UMODL1: variants seen among roughly 807,000 people sequenced by gnomAD.
UMODL1 encodes uromodulin like 1.
Under a neutral mutation model 136.3 loss-of-function variants are expected in UMODL1, and 128 were observed. The ratio of observed to expected loss-of-function variants is 0.94; its 90% CI spans 0.81 to 1.09. UMODL1 has a LOEUF of 1.09. Ranked by LOEUF, UMODL1 falls within the 50% of genes least tolerant of loss-of-function variation. The pLI is 0.00. For missense variants in UMODL1, 1,766 were observed against 1,725.6 expected (o/e 1.02, Z -0.41); for synonymous variants, 721 against 720.0 (o/e 1.00, Z -0.02).
chr21:42,108,923 A>AGG (rs1213312060), intron 9 of UMODL1, among the ~76,000 whole-genome samples: 473 of 14,752 alleles, frequency 0.032, 1 homozygote, highest in Middle Eastern at 0.062. Context: ...CACCCCCCCC[A>AGG]CGAGAGAAGT....
intron 21 of UMODL1, among the ~76,000 whole-genome samples, chr21:42,135,381 T>C (rs11911271): frequency 0.17 from 25,577 of 152,196 alleles, 4,110 homozygotes; most frequent in African/African-American, 0.42. Flanking sequence ...GGACCCCCTG[T>C]GGCCAGCCCT....
chr21:42,089,936 C>T (rs559401015), intron 5 of UMODL1, among the ~76,000 whole-genome samples: 7 of 152,294 alleles, frequency 4.6e-5, no homozygotes, highest in East Asian at 3.9e-4. Flanking sequence ...TCCTTGTTGG[C>T]GCAGAAAACA....
rs1373755820 is a variant in UMODL1, at chr21:42,123,052, T to C, written c.3049T>C (p.Leu1017=). The stretch of plus-strand genomic sequence containing the variant: ...GCAGGAATCCATCCCCGAGTCCTCG[T>C]TGTACCTCAGCCACCCCTCCTGCAA... ...LQQESIPESS[L]YLSHPSCNVS... The change falls in exon 17 of 23, where the codon TTG becomes CTG. Residue 1017 remains leucine (L), a synonymous_variant. Coordinates refer to ENST00000408910, the MANE Select transcript of UMODL1 (RefSeq NM_001004416.3). The surrounding 1 kb of genome is among the most constrained non-coding windows in gnomAD (Gnocchi z 4.4). 5 of 1,613,968 alleles carry C rather than the reference T, an allele frequency of 3.1e-6. No homozygotes were observed. Among genetic ancestry groups the C allele is most frequent in the Non-Finnish European group, 4.2e-6 (5 of 1,180,016 alleles).
chr21:42,118,051 G>C (rs2066922518), intron 14 of UMODL1, among the ~76,000 whole-genome samples: 2 of 152,218 alleles, frequency 1.3e-5, no homozygotes, highest in Non-Finnish European at 1.5e-5. Flanking sequence ...CGCAGACGTG[G>C]ATGTCAGGAG....
Position 42,085,128 on chromosome 21 carries a change from A to G in UMODL1, c.482-163A>G, listed in dbSNP as rs899433481. Among the ~76,000 whole-genome samples the G allele has an allele frequency of 6.6e-6, 1 of 152,094 alleles. No individual in the cohort carries two copies. The highest frequency in any genetic ancestry group is 2.4e-5 in the African/African-American group (1 of 41,404). ...GGAGCGAGGGGCGGGCAGTGAGGAC[A>G]TCCCCCGTCTCCTGTGGTAGATGTC... On this transcript the variant is annotated intron_variant, in intron 3 of 22. Transcript: ENST00000408910. The surrounding 1 kb of genome is among the most constrained non-coding windows in gnomAD (Gnocchi z 4.5).
At chr21:42,111,310 G>C in intron 11 of UMODL1, 189 bp downstream of exon 11, 3 of 1,413,356 alleles carry the variant, frequency 2.1e-6, no homozygotes, top group Non-Finnish European at 2.8e-6. Context: ...CCAGCCACGC[G>C]AACTCCAGCC....
chr21:42,106,884 C>T (rs545595120), intron 9 of UMODL1, among the ~76,000 whole-genome samples: 13 of 152,178 alleles, frequency 8.5e-5, no homozygotes, highest in Non-Finnish European at 1.5e-4. Flanking sequence ...CCTCCTATGG[C>T]GATGGAGTAA....
intron 12 of UMODL1, among the ~76,000 whole-genome samples, chr21:42,112,532 CA>C (rs2066848329): frequency 6.6e-6 from 1 of 151,918 alleles, no homozygotes; most frequent in African/African-American, 2.4e-5. Context: ...TGTATCTCCC[CA>C]GCTGTTCTGC....
intron 11 of UMODL1, 181 bp from the exon 12 acceptor site, chr21:42,111,325 G>C (rs760642493): frequency 1.4e-6 from 2 of 1,466,438 alleles, no homozygotes; most frequent in African/African-American, 2.8e-5. Flanking sequence ...CCAGCCAGGG[G>C]AGCCCCAGCC....
At chr21:42,117,674 A>C (rs949880279) in intron 14 of UMODL1, among the ~76,000 whole-genome samples, 1 of 152,152 alleles carries the variant, frequency 6.6e-6, no homozygotes, top group Non-Finnish European at 1.5e-5. Context: ...CGCTTCCCCC[A>C]CAGATGAGAA....
chr21:42,119,091 C>T lies in UMODL1; in HGVS notation c.2476-20C>T, dbSNP rs748801362. ...TCCTCTCAGCGTGGGGACCTCCTCA[C>T]ATGGCCTCTTTCCCCGCAGGTGCGG... is the stretch of plus-strand genomic sequence containing the variant. On this transcript the variant is annotated intron_variant, in intron 14 of 22. Transcript: ENST00000408910. 6.2e-7 allele frequency: 1 copy of T among 1,609,644 alleles called. No individual in the cohort carries two copies. The highest frequency in any genetic ancestry group is 8.5e-7 in the Non-Finnish European group (1 of 1,178,226).
chr21:42,139,009 A>T (rs1183655971), intron 22 of UMODL1, among the ~76,000 whole-genome samples: 4 of 152,192 alleles, frequency 2.6e-5, no homozygotes, highest in Non-Finnish European at 5.9e-5. Context: ...CTCTACAAAA[A>T]ATACAAAAAT....
intron 2 of UMODL1, among the ~76,000 whole-genome samples, chr21:42,081,616 GT>G (rs2066363154): frequency 6.6e-6 from 1 of 152,104 alleles, no homozygotes. Context: ...TGGGGGGATT[GT>G]TTCTATTTAA....
Position 42,111,082 on chromosome 21 carries a change from G to T in UMODL1, c.1860G>T (p.Gly620=), listed in dbSNP as rs2066816775. 5 of 1,613,034 alleles carry T rather than the reference G, an allele frequency of 3.1e-6. No individual in the cohort carries two copies. The Admixed American group carries it at 5.0e-5, about 16-fold the overall frequency. The part of the protein sequence containing the change: ...SPRRGGSNVV[G]YDRNNTGKGV... ...GAAGAGGGGGCAGCAATGTGGTCGGGTATGACAGGAACAACACAGGAAAAG... is the reference window on the plus strand; with the variant it reads ...GAAGAGGGGGCAGCAATGTGGTCGGTTATGACAGGAACAACACAGGAAAAG... The change falls in exon 11 of 23, where the codon GGG becomes GGT. Residue 620 remains glycine, a synonymous_variant. Coordinates refer to ENST00000408910, the MANE Select transcript of UMODL1 (RefSeq NM_001004416.3).
At chr21:42,103,216 G>T (rs888229155) in intron 8 of UMODL1, 38 of 196,736 alleles carry the variant, frequency 1.9e-4, no homozygotes, top group African/African-American at 8.8e-4. Context: ...GCGTCTACTT[G>T]CAAGATGTGT....
intron 21 of UMODL1, among the ~76,000 whole-genome samples, chr21:42,132,617 C>T (rs1263291283): frequency 6.6e-6 from 1 of 151,660 alleles, no homozygotes; most frequent in Non-Finnish European, 1.5e-5. Flanking sequence ...TCCATCTATC[C>T]ATCCACCCAT....
rs1254310842 is a variant in UMODL1, at chr21:42,119,148, T to C, written c.2513T>C (p.Met838Thr). 2 of 1,613,788 alleles carry C rather than the reference T, an allele frequency of 1.2e-6. No homozygotes were observed. Among genetic ancestry groups the C allele is most frequent in the South Asian group, 2.2e-5 (2 of 91,058 alleles). ...GSLPATMCQH[M>T]DAGGVRMEVV... The stretch of plus-strand genomic sequence containing the variant: ...CTGCCAGCCACCATGTGTCAGCACA[T>C]GGACGCTGGTGGGGTCAGGATGGAA... The change falls in exon 15 of 23, where the codon ATG becomes ACG. Residue 838 changes from methionine to threonine, a missense_variant. Met to Thr is a moderately conservative substitution (Grantham distance 81). Transcript: ENST00000408910.
At chr21:42,134,998 C>T (rs1245023477) in intron 21 of UMODL1, among the ~76,000 whole-genome samples, 5 of 152,162 alleles carry the variant, frequency 3.3e-5, no homozygotes, top group Admixed American at 6.5e-5. Context: ...ACATGTGCCA[C>T]GGTGGTTTGC....
chr21:42,123,066 C>T lies in UMODL1; in HGVS notation c.3063C>T (p.His1021=). Residue 1021 remains histidine (H), a synonymous_variant, in exon 17 of 23, where the codon CAC becomes CAT. Transcript: ENST00000408910. The surrounding 1 kb of genome is among the most constrained non-coding windows in gnomAD (Gnocchi z 4.4). The part of the protein sequence containing the change: ...SIPESSLYLS[H]PSCNVSHSNG... ...CCGAGTCCTCGTTGTACCTCAGCCA[C>T]CCCTCCTGCAACGTGAGCCACAGCA... 1 of 1,614,144 alleles carries T rather than the reference C, an allele frequency of 6.2e-7. No individual in the cohort carries two copies. The highest frequency in any genetic ancestry group is 8.5e-7 in the Non-Finnish European group (1 of 1,180,032).
Sources: gnomAD v4.1 joint callset for allele counts (sites outside exome capture counted in the v4.1 genomes callset) on GRCh38, gnomAD v4.1.1 for gene constraint, Gnocchi (gnomAD v3.1) non-coding constraint, MANE v1.5 for transcripts, NCBI Gene and HGNC (gene_info 2026-07-23, HGNC 2026-07-21) for gene names.